Variants in COPS3 observed in about 807,000 individuals in gnomAD.
COPS3 encodes the protein COP9 signalosome complex subunit 3.
COPS3 carries 10 observed loss-of-function variants against 58.2 expected under a neutral mutation model. That is an observed-to-expected ratio of 0.17 (90% CI 0.11 to 0.29). The LOEUF (loss-of-function observed/expected upper bound fraction) is 0.29, where lower values mean the gene tolerates loss of function less well. Among genes scored for constraint, COPS3 ranks in the 10% least tolerant of loss-of-function variants. COPS3 has a pLI of 1.00. For missense variants in COPS3, 333 were observed against 510.1 expected, an observed-to-expected ratio of 0.65 and a Z score of 3.34; for synonymous variants, 187 against 181.7, an observed-to-expected ratio of 1.03 and a Z score of -0.24.
chr17:17,273,879 T>C (rs1013459475), intron 2 of COPS3, among the ~76,000 whole-genome samples: 2 of 152,058 alleles, frequency 1.3e-5, no homozygotes, highest in African/African-American at 4.8e-5. Context: ...TAGCTGAGTG[T>C]GGTGGCACAT....
At chr17:17,253,557 G>A (rs1286913790) in intron 9 of COPS3, among the ~76,000 whole-genome samples, 1 of 152,132 alleles carries the variant, frequency 6.6e-6, no homozygotes, top group African/African-American at 2.4e-5. Flanking sequence ...GCTAAGTCCT[G>A]GGTGTGTGCT....
intron 2 of COPS3, among the ~76,000 whole-genome samples, chr17:17,272,107 G>C (rs1171621338): frequency 6.6e-6 from 1 of 151,602 alleles, no homozygotes; most frequent in Non-Finnish European, 1.5e-5. Flanking sequence ...AGCCAATATG[G>C]TGAAAACCCA....
intron 8 of COPS3, 133 bp downstream of exon 8, chr17:17,260,168 G>C (rs2048061061): frequency 3.4e-6 from 3 of 884,524 alleles, no homozygotes; most frequent in Non-Finnish European, 5.3e-6. Flanking sequence ...TCACAAGAGA[G>C]TTCTCTCTCA....
intron 1 of COPS3, among the ~76,000 whole-genome samples, chr17:17,279,437 G>A (rs190568816): frequency 6.6e-6 from 1 of 152,234 alleles, no homozygotes; most frequent in Admixed American, 6.5e-5. Context: ...AGTATTTGTC[G>A]AATAAATTAA....
intron 6 of COPS3, among the ~76,000 whole-genome samples, 183 bp downstream of exon 6, chr17:17,264,619 G>A (rs768852794): frequency 1.3e-5 from 2 of 152,102 alleles, no homozygotes; most frequent in Non-Finnish European, 2.9e-5. Context: ...ATGCACTGGC[G>A]CTGCTCCTCA....
At chr17:17,280,433 G>T in intron 1 of COPS3, 1 of 499,164 alleles carries the variant, frequency 2.0e-6, no homozygotes. Context: ...GCTGGCGGGC[G>T]CCTGTAATCT....
chr17:17,255,033 G>C, intron 8 of COPS3, 88 bp from the exon 9 acceptor site: 1 of 855,138 alleles, frequency 1.2e-6, no homozygotes, highest in Non-Finnish European at 1.9e-6. Context: ...CAGGCGTGGT[G>C]GCTCATGTCT....
intron 2 of COPS3, among the ~76,000 whole-genome samples, chr17:17,274,102 T>A (rs1404474413): frequency 6.6e-6 from 1 of 152,192 alleles, no homozygotes; most frequent in African/African-American, 2.4e-5. Flanking sequence ...TGAATGCATT[T>A]TGAAGGTATA....
At chr17:17,262,965 G>C in intron 6 of COPS3, among the ~76,000 whole-genome samples, 1 of 149,676 alleles carries the variant, frequency 6.7e-6, no homozygotes, top group African/African-American at 2.4e-5. Flanking sequence ...GCGCAATCCC[G>C]GCTCACTGCA....
At chr17:17,259,825 C>T (rs1279797725) in intron 8 of COPS3, among the ~76,000 whole-genome samples, 1 of 151,518 alleles carries the variant, frequency 6.6e-6, no homozygotes, top group African/African-American at 2.4e-5. Flanking sequence ...GCTCAGGAGG[C>T]AGAGGGTGCA....
intron 2 of COPS3, 140 bp downstream of exon 2, chr17:17,275,895 A>T (rs9892352): frequency 0.68 from 472,887 of 692,560 alleles, 162,902 homozygotes; most frequent in East Asian, 0.84. Flanking sequence ...TGTGCCAAGA[A>T]TGTGCCACTG....
chr17:17,251,010 T>C (rs538191723), intron 9 of COPS3, among the ~76,000 whole-genome samples: 1 of 152,306 alleles, frequency 6.6e-6, no homozygotes, highest in South Asian at 2.1e-4. Context: ...TTTACATTAT[T>C]TGAGACAAGA....
chr17:17,263,357 G>C (rs776737738), intron 6 of COPS3, among the ~76,000 whole-genome samples: 6 of 151,230 alleles, frequency 4.0e-5, no homozygotes, highest in Non-Finnish European at 8.8e-5. Context: ...CCTGCTGCCA[G>C]GCCCAGCTAA....
intron 7 of COPS3, among the ~76,000 whole-genome samples, chr17:17,261,051 C>A (rs1357076653): frequency 6.6e-6 from 1 of 152,182 alleles, no homozygotes; most frequent in Non-Finnish European, 1.5e-5. Context: ...CAAGTAATAA[C>A]ACAGCAGGTG....
intron 8 of COPS3, among the ~76,000 whole-genome samples, chr17:17,258,775 G>GT (rs1261004476): frequency 6.6e-6 from 1 of 152,078 alleles, no homozygotes; most frequent in African/African-American, 2.4e-5. Flanking sequence ...GGTCAAGCTG[G>GT]TTTTTCTGGC....
Position 17,246,992 on chromosome 17 carries a change from C to A in COPS3, c.*106G>T. Reference sequence around the variant, plus strand: ...AAGATGTCAAAACAAAACTTAATTTCTTAGTCTCCAGGTGACACAGGCTTG... The same window carrying A: ...AAGATGTCAAAACAAAACTTAATTTATTAGTCTCCAGGTGACACAGGCTTG... On this transcript the variant is annotated 3_prime_UTR_variant, in exon 12 of 12. Transcript: ENST00000268717. 1 of 970,418 alleles carries A rather than the reference C, an allele frequency of 1.0e-6. No homozygotes were observed. Among genetic ancestry groups the A allele is most frequent in the Non-Finnish European group, 1.7e-6 (1 of 598,562 alleles). The allele number at this position is 970,418 out of a possible 1,614,324, so 60.1% of individuals were successfully genotyped here.
intron 9 of COPS3, among the ~76,000 whole-genome samples, chr17:17,252,163 GTTCC>G (rs1163975476): frequency 6.6e-6 from 1 of 152,086 alleles, no homozygotes; most frequent in Non-Finnish European, 1.5e-5. Flanking sequence ...GTCATATTCT[GTTCC>G]TTCTTCTAGG....
At chr17:17,254,384 A>AT (rs1202671232) in intron 9 of COPS3, among the ~76,000 whole-genome samples, 1 of 151,952 alleles carries the variant, frequency 6.6e-6, no homozygotes, top group African/African-American at 2.4e-5. Context: ...ACTAGAAACT[A>AT]TAAGGAAACA....
intron 1 of COPS3, chr17:17,280,685 C>A (rs1212172357): frequency 7.0e-6 from 9 of 1,290,568 alleles, no homozygotes; most frequent in Admixed American, 2.4e-5. Context: ...AGCCAAGACA[C>A]CCAGAACGGA....
Sources: allele counts gnomAD v4.1 joint callset (sites outside exome capture counted in the v4.1 genomes callset), GRCh38; gene constraint gnomAD v4.1.1; transcripts MANE v1.5; gene names NCBI Gene and HGNC (gene_info 2026-07-23, HGNC 2026-07-21).